Variants in RALYL observed in about 807,000 individuals in gnomAD.
RALYL encodes RNA-binding Raly-like protein.
RALYL carries 29 observed loss-of-function variants against 35.1 expected under a neutral mutation model. That is an observed-to-expected ratio of 0.83 (90% confidence interval 0.61 to 1.13). The LOEUF is 1.13. Ranked by LOEUF, RALYL falls within the 50% of genes most tolerant of loss-of-function variation. The pLI is 0.00. For synonymous variants in RALYL, 120 were observed against 127.6 expected, an observed-to-expected ratio of 0.94 and a Z score of 0.40; for missense variants, 359 against 360.4, an observed-to-expected ratio of 1.00 and a Z score of 0.03.
chr8:84,826,100 T>G (rs1182657073), intron 4 of RALYL, among the ~76,000 whole-genome samples: 1 of 151,924 alleles, frequency 6.6e-6, no homozygotes, highest in Non-Finnish European at 1.5e-5. Context: ...GAGCTAAACA[T>G]TGGCTACTCA....
At chr8:84,895,027 T>C (rs1844489541) in intron 8 of RALYL, among the ~76,000 whole-genome samples, 1 of 152,158 alleles carries the variant, frequency 6.6e-6, no homozygotes, top group South Asian at 2.1e-4. Flanking sequence ...ACAATTGCCA[T>C]GAGGAGTGAA....
chr8:84,360,976 A>T (rs1429038018), intron 1 of RALYL, among the ~76,000 whole-genome samples: 1 of 150,906 alleles, frequency 6.6e-6, no homozygotes, highest in East Asian at 1.9e-4. Flanking sequence ...AAAAAAAAAA[A>T]AGAAAAATAA....
chr8:84,650,794 T>TCA (rs1405909086), intron 2 of RALYL, among the ~76,000 whole-genome samples: 1 of 151,938 alleles, frequency 6.6e-6, no homozygotes, highest in Non-Finnish European at 1.5e-5. Flanking sequence ...GCAGCACTAT[T>TCA]CACAATAGCA....
At chr8:84,425,131 G>T (rs552482977) in intron 1 of RALYL, among the ~76,000 whole-genome samples, 1 of 152,182 alleles carries the variant, frequency 6.6e-6, no homozygotes, top group African/African-American at 2.4e-5. Flanking sequence ...GGGCAATGGC[G>T]GACGCCCCTC....
chr8:84,689,934 G>A (rs999682066), intron 2 of RALYL, among the ~76,000 whole-genome samples: 2 of 152,152 alleles, frequency 1.3e-5, no homozygotes, highest in African/African-American at 2.4e-5. Flanking sequence ...TACAGTTGAT[G>A]TGAATATAAA....
At chr8:84,429,992 G>T (rs1046548983) in intron 1 of RALYL, among the ~76,000 whole-genome samples, 6 of 150,564 alleles carry the variant, frequency 4.0e-5, no homozygotes, top group Non-Finnish European at 7.4e-5. Flanking sequence ...ATAGGAAATA[G>T]ACTTCTAGGA....
intron 1 of RALYL, among the ~76,000 whole-genome samples, chr8:84,324,408 T>A (rs1472908669): frequency 3.3e-5 from 5 of 152,204 alleles, no homozygotes; most frequent in Non-Finnish European, 7.4e-5. Context: ...GTGACCTTTT[T>A]AAATCATTCC....
chr8:84,873,715 T>C (rs1316312477), intron 7 of RALYL, among the ~76,000 whole-genome samples: 1 of 152,120 alleles, frequency 6.6e-6, no homozygotes, highest in Non-Finnish European at 1.5e-5. Flanking sequence ...ATAAAATCAA[T>C]TAACAGAATA....
At chr8:84,487,704 A>G (rs1271518986) in intron 1 of RALYL, among the ~76,000 whole-genome samples, 2 of 152,102 alleles carry the variant, frequency 1.3e-5, no homozygotes, top group African/African-American at 2.4e-5. Flanking sequence ...CAAAAAATGG[A>G]CTGCAAAGCC....
chr8:84,554,621 G>A (rs1381697384), intron 2 of RALYL, among the ~76,000 whole-genome samples: 1 of 152,076 alleles, frequency 6.6e-6, no homozygotes, highest in Non-Finnish European at 1.5e-5. Flanking sequence ...CCAGCACCTG[G>A]TAATTTCTGG....
At chr8:84,615,287 A>G (rs937736913) in intron 2 of RALYL, among the ~76,000 whole-genome samples, 4 of 151,132 alleles carry the variant, frequency 2.6e-5, no homozygotes, top group Admixed American at 2.0e-4. Context: ...CTTATTTCCC[A>G]GTTGTATCAG....
At chr8:84,499,006 A>G (rs755220603) in intron 1 of RALYL, among the ~76,000 whole-genome samples, 4 of 152,100 alleles carry the variant, frequency 2.6e-5, no homozygotes, top group Non-Finnish European at 4.4e-5. Context: ...AGTTTTCTTT[A>G]GGGAAAACTA....
chr8:84,184,649 C>T (rs1352042342), intron 1 of RALYL, among the ~76,000 whole-genome samples: 1 of 152,002 alleles, frequency 6.6e-6, no homozygotes, highest in African/African-American at 2.4e-5. Flanking sequence ...ATACAGTCCC[C>T]TCCCCCCACC....
At chr8:84,212,901 T>A (rs1819844952) in intron 1 of RALYL, among the ~76,000 whole-genome samples, 2 of 152,172 alleles carry the variant, frequency 1.3e-5, no homozygotes, top group Non-Finnish European at 2.9e-5. Context: ...GAAATGACAG[T>A]TCAGTCATAA....
intron 1 of RALYL, among the ~76,000 whole-genome samples, chr8:84,517,788 A>G (rs2058173366): frequency 6.6e-6 from 1 of 152,198 alleles, no homozygotes; most frequent in African/African-American, 2.4e-5. Flanking sequence ...ATAATAACTA[A>G]GCTAATATTT....
At chr8:84,293,121 G>A (rs566575913) in intron 1 of RALYL, among the ~76,000 whole-genome samples, 4 of 152,150 alleles carry the variant, frequency 2.6e-5, no homozygotes, top group African/African-American at 7.2e-5. Context: ...GAAATGAAAA[G>A]GAACTACTAC....
chr8:84,423,299 T>C (rs1458327227), intron 1 of RALYL, among the ~76,000 whole-genome samples: 1 of 149,526 alleles, frequency 6.7e-6, no homozygotes. Context: ...TTTACCATTA[T>C]GTAATGGCCT....
chr8:84,793,246 A>T (rs1821205316), intron 3 of RALYL, among the ~76,000 whole-genome samples: 1 of 152,184 alleles, frequency 6.6e-6, no homozygotes. Context: ...AATTCCAAGG[A>T]CTGAGCTCTA....
intron 1 of RALYL, among the ~76,000 whole-genome samples, chr8:84,209,125 CAAAAA>C (rs60246316): frequency 1.0e-5 from 1 of 97,526 alleles, no homozygotes. Flanking sequence ...ACTCCTCCAC[CAAAAA>C]AAAAAAAAAA....
Sources: allele counts gnomAD v4.1 joint callset (sites outside exome capture counted in the v4.1 genomes callset), GRCh38; gene constraint gnomAD v4.1.1; transcripts MANE v1.5; gene names NCBI Gene and HGNC (gene_info 2026-07-23, HGNC 2026-07-21).